ERC2: variants seen among roughly 807,000 people sequenced by gnomAD.
The protein encoded by ERC2 is ERC protein 2.
In ERC2, 42 loss-of-function variants were observed where a neutral mutation model predicts 114.8. The observed-to-expected ratio is 0.37, with a 90% CI of 0.29 to 0.47. The LOEUF is 0.47. ERC2 is among the 20% of genes least tolerant of loss of function. The pLI is 0.99. For missense variants in ERC2, 939 were observed against 1,150.7 expected (o/e 0.82, Z 2.66); for synonymous variants, 454 against 425.5 (o/e 1.07, Z -0.82).
chr3:55,902,854 C>G (rs996275377), intron 13 of ERC2, among the ~76,000 whole-genome samples: 1 of 152,194 alleles, frequency 6.6e-6, no homozygotes, highest in Non-Finnish European at 1.5e-5. Flanking sequence ...TGATTTATCC[C>G]AAGGGAGCCT....
chr3:55,726,483 G>T (rs990861593), intron 15 of ERC2, among the ~76,000 whole-genome samples: 1 of 152,190 alleles, frequency 6.6e-6, no homozygotes, highest in African/African-American at 2.4e-5. Flanking sequence ...TTACTTTCCT[G>T]GACAGGACGG....
intron 13 of ERC2, among the ~76,000 whole-genome samples, chr3:55,902,836 A>C (rs2064212179): frequency 6.6e-6 from 1 of 152,188 alleles, no homozygotes; most frequent in Admixed American, 6.5e-5. Flanking sequence ...AGCCCCTGCC[A>C]GGGGCTGTGA....
intron 14 of ERC2, among the ~76,000 whole-genome samples, chr3:55,865,741 T>C (rs1360755900): frequency 6.6e-6 from 1 of 152,186 alleles, no homozygotes; most frequent in African/African-American, 2.4e-5. Flanking sequence ...TCACTTAGCA[T>C]GATGTTTTCA....
intron 17 of ERC2, among the ~76,000 whole-genome samples, chr3:55,513,081 A>G (rs2052208910): frequency 6.6e-6 from 1 of 152,204 alleles, no homozygotes. Context: ...GGACAGTCAC[A>G]GCGGCCCTTA....
chr3:55,695,760 A>T (rs1039120944), intron 16 of ERC2, among the ~76,000 whole-genome samples: 7 of 152,212 alleles, frequency 4.6e-5, no homozygotes, highest in African/African-American at 1.4e-4. Flanking sequence ...CAGTCATGTT[A>T]TAAAATGGGT....
intron 14 of ERC2, among the ~76,000 whole-genome samples, chr3:55,862,603 G>C (rs1166222108): frequency 6.6e-6 from 1 of 152,184 alleles, no homozygotes; most frequent in African/African-American, 2.4e-5. Flanking sequence ...GAGCAGGCAA[G>C]TACATTCTTA....
chr3:55,515,967 C>A (rs566889841), intron 17 of ERC2, among the ~76,000 whole-genome samples: 1 of 152,258 alleles, frequency 6.6e-6, no homozygotes, highest in South Asian at 2.1e-4. Flanking sequence ...AAAACGCAGG[C>A]TATTTTTGAC....
intron 17 of ERC2, among the ~76,000 whole-genome samples, chr3:55,634,402 A>G (rs1002809250): frequency 2.0e-5 from 3 of 152,132 alleles, no homozygotes; most frequent in Non-Finnish European, 4.4e-5. Context: ...GCCAAATTCT[A>G]CCTATTGAAT....
intron 17 of ERC2, among the ~76,000 whole-genome samples, chr3:55,675,246 A>G (rs2061732243): frequency 1.3e-5 from 2 of 152,220 alleles, no homozygotes; most frequent in Admixed American, 6.5e-5. Flanking sequence ...TTCCCATCTC[A>G]AAGTCTCTGA....
At chr3:56,073,970 C>T (rs2149738287) in intron 7 of ERC2, among the ~76,000 whole-genome samples, 1 of 151,874 alleles carries the variant, frequency 6.6e-6, no homozygotes, top group Admixed American at 6.6e-5. Flanking sequence ...AAATACAGAC[C>T]TGGTGTTATA....
At chr3:56,405,492 T>C (rs1363724602) in intron 2 of ERC2, among the ~76,000 whole-genome samples, 3 of 151,832 alleles carry the variant, frequency 2.0e-5, no homozygotes, top group Non-Finnish European at 4.4e-5. Context: ...AAAGTCAATG[T>C]TCACACAGTA....
intron 2 of ERC2, among the ~76,000 whole-genome samples, chr3:56,395,617 C>T (rs1290443717): frequency 6.6e-6 from 1 of 152,196 alleles, no homozygotes; most frequent in African/African-American, 2.4e-5. Context: ...CTCCTGCTTT[C>T]GCCATGTGAT....
chr3:55,736,590 G>A (rs974170209), intron 14 of ERC2, among the ~76,000 whole-genome samples: 4 of 152,010 alleles, frequency 2.6e-5, no homozygotes, highest in Non-Finnish European at 5.9e-5. Context: ...GGACCTCATC[G>A]ATCTTGTGCA....
At chr3:56,050,772 T>C (rs1341786807) in intron 7 of ERC2, among the ~76,000 whole-genome samples, 1 of 152,190 alleles carries the variant, frequency 6.6e-6, no homozygotes, top group Non-Finnish European at 1.5e-5. Context: ...TGACTAATTT[T>C]CCATTAAGCC....
intron 13 of ERC2, among the ~76,000 whole-genome samples, chr3:55,903,591 C>T (rs1438157804): frequency 6.6e-6 from 1 of 152,152 alleles, no homozygotes; most frequent in African/African-American, 2.4e-5. Context: ...GAAAAACAGC[C>T]TCATTATTTA....
chr3:55,746,137 C>A (rs1318079023), intron 14 of ERC2, among the ~76,000 whole-genome samples: 1 of 152,108 alleles, frequency 6.6e-6, no homozygotes, highest in Non-Finnish European at 1.5e-5. Flanking sequence ...CAAAACAGAT[C>A]GTCATGCCAT....
chr3:56,297,558 C>G (rs2055536020), intron 2 of ERC2, among the ~76,000 whole-genome samples: 1 of 152,154 alleles, frequency 6.6e-6, no homozygotes, highest in Non-Finnish European at 1.5e-5. Flanking sequence ...TAGGACAAAC[C>G]CCCAGGCTGG....
chr3:55,591,574 CGTGTGTGTGTGT>C (rs3059305), intron 17 of ERC2, among the ~76,000 whole-genome samples: 67 of 148,272 alleles, frequency 4.5e-4, no homozygotes, highest in African/African-American at 1.6e-3. Flanking sequence ...AGTTTGTGTG[CGTGTGTGTGTGT>C]GTGTGTGTGT....
intron 17 of ERC2, among the ~76,000 whole-genome samples, chr3:55,659,819 GC>G (rs1169484922): frequency 6.6e-6 from 1 of 151,662 alleles, no homozygotes; most frequent in East Asian, 1.9e-4. Context: ...ATTCTCCTCT[GC>G]CGCCTCTGTA....
Sources: allele counts gnomAD v4.1 joint callset (sites outside exome capture counted in the v4.1 genomes callset), GRCh38; gene constraint gnomAD v4.1.1; transcripts MANE v1.5; gene names NCBI Gene and HGNC (gene_info 2026-07-23, HGNC 2026-07-21).